Variants in WNK3 observed in about 807,000 individuals in gnomAD.
The protein encoded by WNK3 is WNK lysine deficient protein kinase 3.
A neutral mutation model predicts 116.7 loss-of-function variants in WNK3; 18 were observed. The observed-to-expected ratio is 0.15, with a 90% CI of 0.11 to 0.23. The LOEUF (loss-of-function observed/expected upper bound fraction) is 0.23, where lower values mean the gene tolerates loss of function less well. Ranked by LOEUF, WNK3 falls within the 10% of genes least tolerant of loss-of-function variation. WNK3 has a pLI of 1.00. For synonymous variants in WNK3, 404 were observed against 469.4 expected (o/e 0.86, Z 1.80); for missense variants, 993 against 1,323.8 (o/e 0.75, Z 3.88).
Position 54,293,442 on chromosome X carries a change from T to C in WNK3, c.1694-115A>G, listed in dbSNP as rs1557165588. 8 of 476,628 alleles carry C rather than the reference T, an allele frequency of 1.7e-5. No individual in the cohort carries two copies. In the South Asian group the frequency reaches 3.5e-4, roughly 21 times the overall value. The allele number at this position is 476,628 out of a possible 1,213,427, so 39.3% of individuals were successfully genotyped here. On this transcript the variant is annotated intron_variant, in intron 8 of 23. Coordinates refer to ENST00000354646, the Ensembl canonical transcript of WNK3. ...GCTTTTTTACTCTGAGAACCTGACA[T>C]AGCTTCAAATAAAATATTTACACTA...
At chrX:54,317,677 G>A (rs2068976695) in intron 2 of WNK3, among the ~76,000 whole-genome samples, 2 of 106,716 alleles carry the variant, frequency 1.9e-5, no homozygotes, top group African/African-American at 3.4e-5. Flanking sequence ...TGTCGCCCAG[G>A]CTGGAGTGCG....
At chrX:54,335,694 T>C (rs932228532) in intron 1 of WNK3, among the ~76,000 whole-genome samples, 4 of 112,136 alleles carry the variant, frequency 3.6e-5, no homozygotes, top group Non-Finnish European at 7.5e-5. Context: ...ACAAACAAAA[T>C]AGAGACAAAT....
At chrX:54,222,385 T>TA (rs1248121132) in intron 22 of WNK3, among the ~76,000 whole-genome samples, 11 of 108,042 alleles carry the variant, frequency 1.0e-4, no homozygotes, top group Admixed American at 4.0e-4. Context: ...AGCCTGTATT[T>TA]AAAAAAAAAT....
chrX:54,199,644 G>C (rs968585358), intron 23 of WNK3, among the ~76,000 whole-genome samples: 1 of 111,373 alleles, frequency 9.0e-6, no homozygotes, highest in Non-Finnish European at 1.9e-5. Context: ...GACCAGCCTG[G>C]CCAACATGGT....
intron 22 of WNK3, among the ~76,000 whole-genome samples, chrX:54,209,733 T>C (rs1434694766): frequency 9.3e-6 from 1 of 108,107 alleles, no homozygotes; most frequent in African/African-American, 3.4e-5. Context: ...GTATTTTTAG[T>C]AGAGACAGGG....
intron 10 of WNK3, among the ~76,000 whole-genome samples, chrX:54,290,191 G>A (rs1569537995): frequency 1.8e-5 from 2 of 110,130 alleles, no homozygotes; most frequent in Non-Finnish European, 3.8e-5. Context: ...TGGGAGAATC[G>A]CTTGAACCCA....
chrX:54,238,900 G>A (rs2067991882), exon 18 of WNK3: 1 of 1,186,180 alleles, frequency 8.4e-7, no homozygotes, highest in Admixed American at 2.4e-5. Flanking sequence ...GAAAAAGCTG[G>A]TTGACTGCCG....
intron 21 of WNK3, among the ~76,000 whole-genome samples, chrX:54,231,526 G>A (rs1557148911): frequency 9.0e-6 from 1 of 111,537 alleles, no homozygotes; most frequent in Non-Finnish European, 1.9e-5. Flanking sequence ...TTGGTCTGTG[G>A]CACTCTTCCT....
rs1171195744 is a variant in WNK3 at position 54,330,198 on chromosome X, C to G, written c.537+2939G>C. 5.4e-5 allele frequency among the ~76,000 whole-genome samples: 6 copies of G among 110,932 alleles called. No homozygotes were observed. In the Admixed American group the frequency reaches 5.8e-4, roughly 11 times the overall value. ...ACCAGCCTGGCCAATATGGTGAAACCCCTATCTCTACTAAAAATACAAAAA... is the reference window on the plus strand; with the variant it reads ...ACCAGCCTGGCCAATATGGTGAAACGCCTATCTCTACTAAAAATACAAAAA... On this transcript the variant is annotated intron_variant, in intron 2 of 23. Transcript: ENST00000354646.
chrX:54,240,110 G>C (rs2068006362), intron 17 of WNK3, among the ~76,000 whole-genome samples: 1 of 110,830 alleles, frequency 9.0e-6, no homozygotes, highest in Non-Finnish European at 1.9e-5. Context: ...TTTGAGACCA[G>C]ACTGGCCAAC....
At chrX:54,239,149 A>G (rs782108773) in intron 17 of WNK3, 50 bp from the exon 18 acceptor site, 1 of 894,745 alleles carries the variant, frequency 1.1e-6, no homozygotes, top group Non-Finnish European at 1.5e-6. Context: ...ACAAAACAAA[A>G]CAAAACAACC....
At chrX:54,197,525 A>G (rs967185957) in exon 24 of WNK3, 10 of 110,430 alleles carry the variant, frequency 9.1e-5, no homozygotes, top group Non-Finnish European at 1.9e-4. Context: ...GGAGTTTGAG[A>G]CCAGTCTGGC....
intron 10 of WNK3, among the ~76,000 whole-genome samples, chrX:54,261,943 A>G (rs1197582384): frequency 8.9e-6 from 1 of 111,956 alleles, no homozygotes; most frequent in Non-Finnish European, 1.9e-5. Flanking sequence ...CTTGATATAT[A>G]TTGCCAAATT....
chrX:54,274,647 T>A (rs1454405663), intron 10 of WNK3, among the ~76,000 whole-genome samples: 1 of 111,772 alleles, frequency 8.9e-6, no homozygotes, highest in Non-Finnish European at 1.9e-5. Flanking sequence ...TGGAGATGAC[T>A]GATTATAAAG....
intron 2 of WNK3, among the ~76,000 whole-genome samples, chrX:54,327,013 G>A (rs1321641372): frequency 9.0e-6 from 1 of 111,278 alleles, no homozygotes; most frequent in Non-Finnish European, 1.9e-5. Context: ...GCTACAACAT[G>A]CCATTGCATT....
chrX:54,326,654 G>T (rs1300792638), intron 2 of WNK3, among the ~76,000 whole-genome samples: 2 of 110,267 alleles, frequency 1.8e-5, no homozygotes, highest in African/African-American at 6.6e-5. Context: ...GCAACATAGT[G>T]AGACCCTGCC....
At chrX:54,306,185 C>G (rs1424235377) in intron 5 of WNK3, among the ~76,000 whole-genome samples, 5 of 111,203 alleles carry the variant, frequency 4.5e-5, no homozygotes, top group East Asian at 2.8e-4. Context: ...AAAAGGGAAC[C>G]CTTGTACGTT....
At chrX:54,307,923 C>T (rs2068844314) in exon 5 of WNK3, 1 of 1,184,066 alleles carries the variant, frequency 8.4e-7, no homozygotes, top group Non-Finnish European at 1.1e-6. Flanking sequence ...TATACCTACA[C>T]TAGTTACTTT....
intron 23 of WNK3, among the ~76,000 whole-genome samples, chrX:54,199,973 T>C (rs1484782572): frequency 8.9e-6 from 1 of 112,613 alleles, no homozygotes; most frequent in Admixed American, 9.4e-5. Context: ...ACTGGCCTAC[T>C]TTCAATCCCT....
Sources: gnomAD v4.1 joint callset for allele counts (sites outside exome capture counted in the v4.1 genomes callset) on GRCh38, gnomAD v4.1.1 for gene constraint, MANE v1.5 for transcripts, NCBI Gene and HGNC (gene_info 2026-07-23, HGNC 2026-07-21) for gene names.